NFE2L2: variants seen among roughly 807,000 people sequenced by gnomAD.
The protein encoded by NFE2L2 is nuclear factor erythroid 2-related factor 2.
In NFE2L2, 20 loss-of-function variants were observed where a neutral mutation model predicts 49.6. That is an observed-to-expected ratio of 0.40 (90% CI 0.28 to 0.59). NFE2L2 has a LOEUF of 0.59. Ranked by LOEUF, NFE2L2 falls within the 20% of genes least tolerant of loss-of-function variation. The pLI, the probability that NFE2L2 is intolerant of heterozygous loss-of-function variation, is 0.40. For synonymous variants in NFE2L2, 244 were observed against 256.5 expected, an observed-to-expected ratio of 0.95 and a Z score of 0.47; for missense variants, 578 against 714.2, an observed-to-expected ratio of 0.81 and a Z score of 2.17.
intron 1 of NFE2L2, among the ~76,000 whole-genome samples, chr2:177,256,881 G>T (rs1002243033): frequency 1.3e-5 from 2 of 152,184 alleles, no homozygotes; most frequent in African/African-American, 4.8e-5. Flanking sequence ...ACCATCTGTG[G>T]GGTGGGTGTA....
chr2:177,244,639 A>G (rs1250039893), intron 1 of NFE2L2, among the ~76,000 whole-genome samples: 6 of 152,176 alleles, frequency 3.9e-5, no homozygotes, highest in Admixed American at 3.9e-4. Flanking sequence ...GGTTAAATCT[A>G]TTTTCCAAAG....
At chr2:177,253,782 C>T (rs1395866827) in intron 1 of NFE2L2, among the ~76,000 whole-genome samples, 1 of 152,114 alleles carries the variant, frequency 6.6e-6, no homozygotes, top group African/African-American at 2.4e-5. Flanking sequence ...AGTACGATAT[C>T]TTAAGAACTA....
intron 1 of NFE2L2, among the ~76,000 whole-genome samples, chr2:177,261,170 C>CAAAAAAAAAAAAAA (rs59040355): frequency 8.3e-6 from 1 of 120,142 alleles, no homozygotes; most frequent in Non-Finnish European, 1.7e-5. Context: ...GACTTCATCT[C>CAAAAAAAAAAAAAA]AAAAAAAAAA....
intron 2 of NFE2L2, 51 bp from the exon 3 acceptor site, chr2:177,233,390 T>A (rs548602995): frequency 1.1e-5 from 14 of 1,317,432 alleles, no homozygotes; most frequent in Non-Finnish European, 1.1e-5. Context: ...AAATATTCCA[T>A]TGCCAAGCTA....
At chr2:177,238,830 C>A (rs1689846223) in intron 1 of NFE2L2, among the ~76,000 whole-genome samples, 1 of 152,194 alleles carries the variant, frequency 6.6e-6, no homozygotes, top group South Asian at 2.1e-4. Context: ...CTCAGAGATT[C>A]TGAATTATTT....
At position 177,232,516 on chromosome 2, in the gene NFE2L2, A is replaced by G. The variant is rs767627875; in HGVS notation, c.470T>C (p.Ile157Thr). Reference protein sequence around the residue: ...IPGHIESPVFIATNQAQSPET... With the variant: ...IPGHIESPVFTATNQAQSPET... Reference sequence around the variant, plus strand: ...AGGTGACTGAGCCTGATTAGTAGCAATGAAGACTGGGCTCTCGATGTGACC... The same window carrying G: ...AGGTGACTGAGCCTGATTAGTAGCAGTGAAGACTGGGCTCTCGATGTGACC... The change falls in exon 4 of 5, where the codon ATT (isoleucine) becomes ACT (threonine). Residue 157 changes from isoleucine (I) to threonine (T), a missense_variant. Physicochemically the swap from Ile to Thr is moderately conservative, Grantham distance 89 (BLOSUM62 -1). This residue lies in a region of NFE2L2 where 368 missense variants were observed against 384.6 expected (regional missense o/e 0.96). Transcript: ENST00000397062. 27 of 1,614,176 alleles carry G rather than the reference A, an allele frequency of 1.7e-5. No homozygotes were observed. In the East Asian group the frequency reaches 3.6e-4, roughly 21 times the overall value.
Position 177,230,494 on chromosome 2 carries a change from A to C in NFE2L2, c.*291T>G, listed in dbSNP as rs1689500841. On this transcript the variant is annotated 3_prime_UTR_variant, in exon 5 of 5. Coordinates refer to ENST00000397062, the MANE Select transcript of NFE2L2 (RefSeq NM_006164.5). Reference sequence around the variant, plus strand: ...GTCATATCATCATATAAATCTATGAATATAACAAATGACATAAGAACAGTA... The same window carrying C: ...GTCATATCATCATATAAATCTATGACTATAACAAATGACATAAGAACAGTA... The C allele has an allele frequency of 6.9e-6, 2 of 291,424 alleles. No homozygotes were observed. Among genetic ancestry groups the C allele is most frequent in the South Asian group, 2.8e-4 (2 of 7,154 alleles). 18.1% of individuals were successfully genotyped at this position (291,424 alleles called of 1,614,324 possible). A position where few individuals can be genotyped will look rare whatever the true frequency, so the allele number is the denominator to read the frequency against.
At position 177,259,168 on chromosome 2, in the gene NFE2L2, G is replaced by A. The variant is rs141429955; in HGVS notation, c.45+5364C>T. Among the ~76,000 whole-genome samples, 588 of 152,228 alleles carry A rather than the reference G, an allele frequency of 3.9e-3. 4 individuals are homozygous for A. The highest frequency in any genetic ancestry group is 0.019 in the East Asian group (99 of 5,184). ...AATACAAAAATTAACCGGGCGTGGC[G>A]GCACACACTTGTAATCCCAGCTACT... is the stretch of plus-strand genomic sequence containing the variant. On this transcript the variant is annotated intron_variant, in intron 1 of 4. Transcript: ENST00000397062.
intron 1 of NFE2L2, among the ~76,000 whole-genome samples, chr2:177,262,897 C>G (rs1391233606): frequency 6.6e-6 from 1 of 152,076 alleles, no homozygotes; most frequent in African/African-American, 2.4e-5. Context: ...TAGTTGGAAC[C>G]AGAAGAATAC....
intron 1 of NFE2L2, among the ~76,000 whole-genome samples, chr2:177,240,988 G>A (rs780158246): frequency 1.5e-4 from 23 of 152,084 alleles, no homozygotes; most frequent in African/African-American, 3.9e-4. Flanking sequence ...CCATTCCCCC[G>A]AGTCTCCCTT....
chr2:177,249,992 A>G (rs944737746), intron 1 of NFE2L2, among the ~76,000 whole-genome samples: 6 of 152,186 alleles, frequency 3.9e-5, no homozygotes, highest in African/African-American at 1.4e-4. Flanking sequence ...CGGTTTTGCA[A>G]ATTACCTCCT....
At chr2:177,240,161 A>G (rs941814225) in intron 1 of NFE2L2, among the ~76,000 whole-genome samples, 1 of 152,236 alleles carries the variant, frequency 6.6e-6, no homozygotes, top group African/African-American at 2.4e-5. Context: ...GGTGGAGCCC[A>G]TAACAAACAA....
At chr2:177,250,272 C>T (rs915986612) in intron 1 of NFE2L2, among the ~76,000 whole-genome samples, 3 of 152,174 alleles carry the variant, frequency 2.0e-5, no homozygotes, top group Non-Finnish European at 2.9e-5. Context: ...TGGGAGGGTA[C>T]TACCTGTTCC....
chr2:177,233,054 T>G, intron 3 of NFE2L2, 196 bp downstream of exon 3: 1 of 558,244 alleles, frequency 1.8e-6, no homozygotes, highest in Non-Finnish European at 3.1e-6. Flanking sequence ...TGAAGGGTTT[T>G]TTTTTTTCTT....
chr2:177,237,935 G>GGT (rs1345726926), intron 1 of NFE2L2, among the ~76,000 whole-genome samples: 2 of 152,160 alleles, frequency 1.3e-5, no homozygotes, highest in East Asian at 3.8e-4. Context: ...GCCCAAGCAA[G>GGT]GTATTAAGTG....
chr2:177,247,710 G>T (rs1011979199), intron 1 of NFE2L2, among the ~76,000 whole-genome samples: 55 of 145,548 alleles, frequency 3.8e-4, no homozygotes, highest in African/African-American at 1.2e-3. Flanking sequence ...AAAGAAAAAA[G>T]AATAAACTTC....
In NFE2L2 at chr2:177,234,173, C is replaced by G. The variant is rs747260664; in HGVS notation, c.144G>C (p.Leu48=). The change falls in exon 2 of 5, where the codon CTG becomes CTC. Residue 48 remains leucine (L), a synonymous_variant. Transcript: ENST00000397062. ...DFSQRRKEYE[L]EKQKKLEKER... is the part of the protein sequence containing the mutation. ...CCTTTTCAAGTTTTTTCTGTTTTTC[C>G]AGCTCATACTCTTTCCGTCGCTGAC... 5 of 1,613,912 alleles carry G rather than the reference C, an allele frequency of 3.1e-6. No individual in the cohort carries two copies. In the African/African-American group the frequency reaches 5.3e-5, roughly 17 times the overall value.
At position 177,264,584 on chromosome 2, in the gene NFE2L2, TGTGGACC is replaced by T; in HGVS notation, c.-15_-9del. 6.8e-7 allele frequency: 1 copy of T among 1,478,236 alleles called. No homozygotes were observed. Among genetic ancestry groups the T allele is most frequent in the Non-Finnish European group, 9.0e-7 (1 of 1,110,254 alleles). 91.6% of individuals were successfully genotyped at this position (1,478,236 alleles called of 1,614,324 possible). On this transcript the variant is annotated 5_prime_UTR_variant, in exon 1 of 5. Transcript: ENST00000397062. The stretch of plus-strand genomic sequence containing the variant: ...CAGCTCCAAGTCCATCATGATGAGC[TGTGGACC>T]GTGTGTTGGGGCTCCCCGACGGCGG...
chr2:177,232,260 T>C, intron 4 of NFE2L2, 132 bp downstream of exon 4: 2 of 959,910 alleles, frequency 2.1e-6, no homozygotes, highest in South Asian at 3.7e-5. Context: ...TTAACTAGCA[T>C]GGGCAGTACT....
Sources: gnomAD v4.1 joint callset for allele counts (sites outside exome capture counted in the v4.1 genomes callset) on GRCh38, gnomAD v4.1.1 for gene constraint, gnomAD v4.1.1 regional missense constraint, MANE v1.5 for transcripts, NCBI Gene and HGNC (gene_info 2026-07-23, HGNC 2026-07-21) for gene names.